The following ATP8B4 variants were observed in gnomAD, a reference collection of about 807,000 sequenced individuals.
ATP8B4 encodes ATPase phospholipid transporting 8B4 (putative).
A neutral mutation model predicts 145.6 loss-of-function variants in ATP8B4; 133 were observed. The observed-to-expected ratio is 0.91, with a 90% CI of 0.79 to 1.05. The LOEUF is 1.05. Ranked by LOEUF, ATP8B4 falls within the 50% of genes least tolerant of loss-of-function variation. The pLI, the probability that ATP8B4 is intolerant of heterozygous loss-of-function variation, is 0.00. For missense variants in ATP8B4, 1,458 were observed against 1,425.2 expected (o/e 1.02, Z -0.37); for synonymous variants, 507 against 492.9 (o/e 1.03, Z -0.38).
intron 1 of ATP8B4, among the ~76,000 whole-genome samples, chr15:50,181,051 G>A (rs768848567): frequency 1.2e-4 from 19 of 152,124 alleles, no homozygotes; most frequent in Non-Finnish European, 2.5e-4. Context: ...ATTACTTACC[G>A]GCTGTCTCAA....
intron 25 of ATP8B4, 137 bp from the exon 26 acceptor site, chr15:49,866,621 C>T (rs34160480): frequency 0.024 from 22,857 of 967,716 alleles, 354 homozygotes; most frequent in Non-Finnish European, 0.026. Flanking sequence ...CGCGGGCATC[C>T]CCACTTTCTG....
chr15:49,920,522 G>GCAGTGCTCTTGGTAC, intron 17 of ATP8B4, 112 bp from the exon 18 acceptor site: 1 of 1,216,832 alleles, frequency 8.2e-7, no homozygotes, highest in Non-Finnish European at 1.1e-6. Context: ...TTTGTACCAA[G>GCAGTGCTCTTGGTAC]AGCACTGCTT....
chr15:50,052,901 A>T (rs2052299770), intron 3 of ATP8B4, among the ~76,000 whole-genome samples: 1 of 152,208 alleles, frequency 6.6e-6, no homozygotes, highest in South Asian at 2.1e-4. Context: ...TCCTAAGTGA[A>T]GGGGGAATTA....
intron 1 of ATP8B4, chr15:50,113,314 C>A (rs1004947894): frequency 3.3e-5 from 5 of 152,164 alleles, no homozygotes; most frequent in African/African-American, 1.2e-4. Flanking sequence ...GCCTTGGGAG[C>A]TGAGACAGCG....
chr15:50,044,740 A>G (rs1056615460), intron 4 of ATP8B4, 48 bp from the exon 5 acceptor site: 1 of 1,324,446 alleles, frequency 7.6e-7, no homozygotes, highest in East Asian at 2.4e-5. Context: ...GTTAGAAAAT[A>G]TATCTTCCAA....
chr15:49,991,842 C>T (rs1006153417), intron 9 of ATP8B4, among the ~76,000 whole-genome samples: 1 of 152,124 alleles, frequency 6.6e-6, no homozygotes, highest in Non-Finnish European at 1.5e-5. Context: ...CATCCTTGTG[C>T]TGGATGGACT....
chr15:50,053,787 G>C (rs1201274024), intron 3 of ATP8B4, among the ~76,000 whole-genome samples: 2 of 152,042 alleles, frequency 1.3e-5, no homozygotes, highest in East Asian at 3.9e-4. Context: ...TCAGAGATGG[G>C]CTACCAAATA....
At chr15:50,146,756 A>G (rs916490677) in intron 1 of ATP8B4, among the ~76,000 whole-genome samples, 6 of 152,172 alleles carry the variant, frequency 3.9e-5, no homozygotes, top group African/African-American at 1.4e-4. Flanking sequence ...GGTAAAAGGG[A>G]AAAAAGGGGA....
intron 20 of ATP8B4, among the ~76,000 whole-genome samples, chr15:49,912,126 C>T (rs1242275565): frequency 2.0e-5 from 3 of 151,162 alleles, no homozygotes; most frequent in Admixed American, 6.6e-5. Flanking sequence ...TGAAAGAACC[C>T]GAAAAGCAAG....
intron 14 of ATP8B4, among the ~76,000 whole-genome samples, chr15:49,938,393 C>T (rs981526592): frequency 2.6e-5 from 4 of 151,992 alleles, no homozygotes; most frequent in Non-Finnish European, 1.5e-5. Flanking sequence ...CCCACAGGCT[C>T]AAAGCAAAAA....
At chr15:49,950,955 C>T (rs2043050418) in intron 14 of ATP8B4, among the ~76,000 whole-genome samples, 1 of 151,466 alleles carries the variant, frequency 6.6e-6, no homozygotes, top group Admixed American at 6.6e-5. Context: ...ATTTCATTAC[C>T]CAGGAGTCAT....
intron 3 of ATP8B4, among the ~76,000 whole-genome samples, chr15:50,071,843 A>C (rs2053758376): frequency 6.6e-6 from 1 of 152,192 alleles, no homozygotes; most frequent in African/African-American, 2.4e-5. Context: ...CAAGCTTACA[A>C]GACTGATGAA....
At chr15:49,993,181 TAAAC>T (rs974407441) in intron 9 of ATP8B4, among the ~76,000 whole-genome samples, 3 of 151,974 alleles carry the variant, frequency 2.0e-5, no homozygotes, top group African/African-American at 7.3e-5. Flanking sequence ...TAAACAGACT[TAAAC>T]TAATATGGAG....
chr15:49,897,680 T>C (rs537844807), intron 22 of ATP8B4, among the ~76,000 whole-genome samples, 165 bp from the exon 23 acceptor site: 1 of 152,372 alleles, frequency 6.6e-6, no homozygotes, highest in Admixed American at 6.5e-5. Context: ...CTCTTAGTTT[T>C]ACAAAAGAGA....
At chr15:49,881,719 C>T (rs1186287905) in intron 23 of ATP8B4, among the ~76,000 whole-genome samples, 1 of 152,138 alleles carries the variant, frequency 6.6e-6, no homozygotes, top group Non-Finnish European at 1.5e-5. Context: ...GGGTATTTAG[C>T]AGAGGTATCT....
chr15:50,139,831 T>C (rs992145107), intron 1 of ATP8B4, among the ~76,000 whole-genome samples: 1 of 152,184 alleles, frequency 6.6e-6, no homozygotes, highest in African/African-American at 2.4e-5. Flanking sequence ...TTGTTAGAGA[T>C]CACATTTTCT....
At chr15:49,888,470 A>G (rs138830277) in intron 23 of ATP8B4, among the ~76,000 whole-genome samples, 1 of 152,368 alleles carries the variant, frequency 6.6e-6, no homozygotes, top group African/African-American at 2.4e-5. Flanking sequence ...TGACAATGAT[A>G]AATTGTCATC....
At chr15:49,895,703 G>A (rs2153426813) in intron 23 of ATP8B4, 1 of 152,322 alleles carries the variant, frequency 6.6e-6, no homozygotes, top group African/African-American at 2.4e-5. Context: ...AAAAATTCTA[G>A]TTGCTTAATA....
At position 50,074,183 on chromosome 15, in the gene ATP8B4, C is replaced by G. The variant is rs953814195; in HGVS notation, c.31G>C (p.Val11Leu). 5 of 1,610,204 alleles carry G rather than the reference C, an allele frequency of 3.1e-6. No individual in the cohort carries two copies. In the African/African-American group the frequency reaches 6.7e-5, roughly 22 times the overall value. Residue 11 changes from valine (V) to leucine (L), a missense_variant and splice_region_variant, in exon 3 of 28, where the codon GTG becomes CTG. Coordinates refer to ENST00000284509, the MANE Select transcript of ATP8B4 (RefSeq NM_024837.4). MFCSEKKLRE[V>L]ERIVKANDRE... is the part of the protein sequence containing the mutation. ...TCATTGGCTTTCACTATCCGTTCCA[C>G]TTCTAAAGAGAGAGAAATCAAGTAT...
Sources: allele counts gnomAD v4.1 joint callset (sites outside exome capture counted in the v4.1 genomes callset), GRCh38; gene constraint gnomAD v4.1.1; transcripts MANE v1.5; gene names NCBI Gene and HGNC (gene_info 2026-07-23, HGNC 2026-07-21).